The following PABPC4L variants were observed in gnomAD, a reference collection of about 807,000 sequenced individuals.
PABPC4L encodes poly(A) binding protein cytoplasmic 4 like.
For synonymous variants in PABPC4L, 169 were observed against 164.1 expected (o/e 1.03, Z -0.23); for missense variants, 452 against 451.4 (o/e 1.00, Z -0.01).
At chr4:133,990,078 T>C in the PABPC4L span, among the ~76,000 whole-genome samples, 1 of 152,130 alleles carries the variant, frequency 6.6e-6, no homozygotes, top group African/African-American at 2.4e-5. Flanking sequence ...ATGGGGATCA[T>C]AGGAACTACA....
chr4:134,086,512 AT>A, the PABPC4L span, among the ~76,000 whole-genome samples: 68 of 148,482 alleles, frequency 4.6e-4, 1 homozygote, highest in South Asian at 6.4e-4. Flanking sequence ...ACACTTTTCA[AT>A]TTTTTTTTTT....
chr4:134,166,984 T>C, the PABPC4L span, among the ~76,000 whole-genome samples: 3 of 152,300 alleles, frequency 2.0e-5, no homozygotes, highest in East Asian at 3.9e-4. Context: ...CTAAACTCTA[T>C]TTGGCTTTCT....
the PABPC4L span, among the ~76,000 whole-genome samples, chr4:134,069,772 A>G: frequency 6.6e-6 from 1 of 152,098 alleles, no homozygotes; most frequent in Non-Finnish European, 1.5e-5. Context: ...TTTCTCCTGA[A>G]TATCAATAAT....
chr4:134,064,308 T>C, the PABPC4L span, among the ~76,000 whole-genome samples: 1 of 151,944 alleles, frequency 6.6e-6, no homozygotes, highest in African/African-American at 2.4e-5. Context: ...GAGATTTGGG[T>C]TTACAAAGAG....
the PABPC4L span, among the ~76,000 whole-genome samples, chr4:134,048,642 C>T: frequency 6.6e-6 from 1 of 152,094 alleles, no homozygotes; most frequent in Non-Finnish European, 1.5e-5. Flanking sequence ...TTTGTCTTCT[C>T]TCTTACTTGT....
chr4:134,015,413 C>G, the PABPC4L span, among the ~76,000 whole-genome samples: 1 of 152,124 alleles, frequency 6.6e-6, no homozygotes, highest in Admixed American at 6.5e-5. Flanking sequence ...TGTTTCGGAT[C>G]TCAAACATGC....
chr4:134,140,698 C>T, the PABPC4L span, among the ~76,000 whole-genome samples: 1 of 151,708 alleles, frequency 6.6e-6, no homozygotes, highest in African/African-American at 2.4e-5. Context: ...TACGTTTATA[C>T]ATAATTTATA....
the PABPC4L span, among the ~76,000 whole-genome samples, chr4:134,174,420 C>T: frequency 2.6e-5 from 4 of 152,084 alleles, no homozygotes; most frequent in South Asian, 8.3e-4. Context: ...TACTTTTACA[C>T]CACTGCCAGG....
the PABPC4L span, among the ~76,000 whole-genome samples, chr4:133,990,377 A>T: frequency 6.6e-6 from 1 of 152,298 alleles, no homozygotes; most frequent in Admixed American, 6.5e-5. Context: ...GTTTTGAGGT[A>T]CAATAAATGA....
chr4:134,005,636 G>C, the PABPC4L span, among the ~76,000 whole-genome samples: 1 of 151,796 alleles, frequency 6.6e-6, no homozygotes, highest in African/African-American at 2.4e-5. Flanking sequence ...CAAAAAGTTG[G>C]TTTTGGAGTG....
At chr4:134,025,976 T>G in the PABPC4L span, among the ~76,000 whole-genome samples, 3 of 152,152 alleles carry the variant, frequency 2.0e-5, no homozygotes, top group Non-Finnish European at 4.4e-5. Flanking sequence ...AAGTAATACA[T>G]TTTTCCACTA....
chr4:133,986,624 T>C, the PABPC4L span, among the ~76,000 whole-genome samples: 4 of 151,954 alleles, frequency 2.6e-5, no homozygotes, highest in East Asian at 7.7e-4. Flanking sequence ...AATATGGTCA[T>C]AAATTAAAAA....
chr4:134,017,545 A>T, the PABPC4L span, among the ~76,000 whole-genome samples: 1 of 152,128 alleles, frequency 6.6e-6, no homozygotes, highest in Admixed American at 6.6e-5. Context: ...TGCTATCCCC[A>T]AACTGCCACT....
the PABPC4L span, among the ~76,000 whole-genome samples, chr4:133,969,327 AC>A: frequency 6.6e-6 from 1 of 152,162 alleles, no homozygotes; most frequent in Non-Finnish European, 1.5e-5. Context: ...ATAAAATCAT[AC>A]CCCATTTAAA....
the PABPC4L span, among the ~76,000 whole-genome samples, chr4:134,044,987 A>T: frequency 6.6e-6 from 1 of 152,316 alleles, no homozygotes; most frequent in South Asian, 2.1e-4. Flanking sequence ...CCTAATATTC[A>T]GTATGTTAAT....
the PABPC4L span, among the ~76,000 whole-genome samples, chr4:134,022,412 A>T: frequency 1.3e-5 from 2 of 152,108 alleles, no homozygotes; most frequent in African/African-American, 2.4e-5. Flanking sequence ...AATAAAACAC[A>T]CACACACATG....
the PABPC4L span, among the ~76,000 whole-genome samples, chr4:134,037,106 G>A: frequency 1.3e-3 from 196 of 150,842 alleles, no homozygotes; most frequent in African/African-American, 3.9e-3. Context: ...TATTATTTTC[G>A]TATAGGATTG....
rs1729787257 is a variant in PABPC4L at position 134,199,830 on chromosome 4, G to T, written c.*77C>A. The T allele has an allele frequency of 6.8e-7, 1 of 1,473,764 alleles. No homozygotes were observed. The highest frequency in any genetic ancestry group is 9.0e-7 in the Non-Finnish European group (1 of 1,105,856). The allele number at this position is 1,473,764 out of a possible 1,614,324, so 91.3% of individuals were successfully genotyped here. ...CATCATGTGGAATATGAAATTTACT[G>T]AGGTCAATTCAGGCAGAGATCACTA... On this transcript the variant is annotated 3_prime_UTR_variant, in exon 2 of 2. Coordinates refer to ENST00000421491, the MANE Select transcript of PABPC4L (RefSeq NM_001114734.2).
chr4:133,970,813 T>C, the PABPC4L span, among the ~76,000 whole-genome samples: 5 of 152,262 alleles, frequency 3.3e-5, no homozygotes, highest in South Asian at 1.0e-3. Context: ...CCTTCTGCTA[T>C]GTGAGGATGC....
Sources: allele counts gnomAD v4.1 joint callset (sites outside exome capture counted in the v4.1 genomes callset), GRCh38; gene constraint gnomAD v4.1.1; transcripts MANE v1.5; gene names NCBI Gene and HGNC (gene_info 2026-07-23, HGNC 2026-07-21).